Variants in COG7 observed in about 807,000 individuals in gnomAD.
COG7 encodes the protein component of oligomeric golgi complex 7.
A neutral mutation model predicts 91.5 loss-of-function variants in COG7; 49 were observed. That is an observed-to-expected ratio of 0.54 (90% CI 0.43 to 0.68). COG7 has a LOEUF of 0.68. Among genes scored for constraint, COG7 ranks in the 30% least tolerant of loss-of-function variants. The probability of loss-of-function intolerance (pLI) is 0.00; values close to 1 mark genes in which losing one functional copy is unlikely to be tolerated. For missense variants in COG7, 895 were observed against 961.3 expected (o/e 0.93, Z 0.91); for synonymous variants, 365 against 388.7 (o/e 0.94, Z 0.72).
chr16:23,410,302 C>G lies in COG7; in HGVS notation c.1468G>C (p.Ala490Pro), dbSNP rs1439619196. 4 of 1,613,968 alleles carry G rather than the reference C, an allele frequency of 2.5e-6. No individual in the cohort carries two copies. The highest frequency in any genetic ancestry group is 2.5e-6 in the Non-Finnish European group (3 of 1,179,902). ...ATGACTCCTCTCTCCTACCTGTTGG[C>G]TAGCTGCTGCTCGAAGTCCCCACAA... is the stretch of plus-strand genomic sequence containing the variant. ...RHCGDFEQQL[A>P]NRILSTAGKY... The change falls in exon 11 of 17, where the codon GCC (alanine) becomes CCC (proline). Residue 490 changes from alanine (A) to proline (P), a missense_variant. Coordinates refer to ENST00000307149, the MANE Select transcript of COG7 (RefSeq NM_153603.4).
Position 23,452,829 on chromosome 16 carries a change from C to T in COG7, c.166G>A (p.Glu56Lys). The T allele has an allele frequency of 6.2e-7, 1 of 1,612,028 alleles. No homozygotes were observed. Among genetic ancestry groups the T allele is most frequent in the Non-Finnish European group, 8.5e-7 (1 of 1,179,398 alleles). ...GCCAGGGCCCCGAGCGGCTCACCCT[C>T]CACGGCGTGGTTCACCTCTTGGATG... Reference protein sequence around the residue: ...LFIQEVNHAVEETSHQALQNM... With the variant: ...LFIQEVNHAVKETSHQALQNM... The change falls in exon 1 of 17, where the codon GAG becomes AAG. Residue 56 changes from glutamate to lysine, a missense_variant. By Grantham distance (56) the Glu-to-Lys change is moderately conservative. Transcript: ENST00000307149.
At chr16:23,413,614 A>G (rs1300996969) in intron 9 of COG7, 50 bp from the exon 10 acceptor site, 1 of 975,714 alleles carries the variant, frequency 1.0e-6, no homozygotes. Flanking sequence ...TGATTCCCCA[A>G]CTCTAAAGAG....
intron 8 of COG7, among the ~76,000 whole-genome samples, chr16:23,417,866 G>A (rs1309386349): frequency 6.6e-6 from 1 of 152,124 alleles, no homozygotes; most frequent in Non-Finnish European, 1.5e-5. Flanking sequence ...AGACTTTCTA[G>A]GTATATCCCT....
chr16:23,394,514 T>C (rs1963253284), intron 14 of COG7, among the ~76,000 whole-genome samples: 1 of 152,224 alleles, frequency 6.6e-6, no homozygotes, highest in Non-Finnish European at 1.5e-5. Flanking sequence ...GTTGTTGTTT[T>C]TTTTTTCTTC....
At chr16:23,393,557 T>C (rs1963235515) in intron 14 of COG7, 3 of 580,078 alleles carry the variant, frequency 5.2e-6, no homozygotes, top group Non-Finnish European at 9.3e-6. Context: ...TATAGATTCA[T>C]CCTTCTTATA....
chr16:23,424,521 T>A (rs1963812380), intron 7 of COG7, among the ~76,000 whole-genome samples: 1 of 152,128 alleles, frequency 6.6e-6, no homozygotes, highest in Admixed American at 6.6e-5. Context: ...CCAGAGCATG[T>A]AAGGCACCCA....
At chr16:23,426,542 A>G (rs934494992) in intron 6 of COG7, among the ~76,000 whole-genome samples, 1 of 152,222 alleles carries the variant, frequency 6.6e-6, no homozygotes, top group East Asian at 1.9e-4. Context: ...AAATGAATCA[A>G]TGTAATACAC....
At chr16:23,414,635 AAGAAAT>A (rs1963623377) in intron 9 of COG7, 1 of 152,418 alleles carries the variant, frequency 6.6e-6, no homozygotes, top group Admixed American at 6.5e-5. Context: ...TCTCCAGATA[AAGAAAT>A]AGCTTGTATG....
chr16:23,450,952 G>A (rs2142099872), intron 1 of COG7, among the ~76,000 whole-genome samples: 1 of 152,212 alleles, frequency 6.6e-6, no homozygotes, highest in Non-Finnish European at 1.5e-5. Flanking sequence ...CCAGCACTTT[G>A]GGAGGCCGAG....
At chr16:23,416,582 C>G (rs896550328) in intron 9 of COG7, 6 of 305,984 alleles carry the variant, frequency 2.0e-5, no homozygotes, top group Admixed American at 9.7e-5. Context: ...ATCCACCTGT[C>G]TTGGCCTCCC....
chr16:23,446,088 A>C, intron 1 of COG7, 127 bp from the exon 2 acceptor site: 2 of 1,180,278 alleles, frequency 1.7e-6, no homozygotes, highest in Non-Finnish European at 2.4e-6. Context: ...CGACCAACCA[A>C]ACGGTTTTTG....
chr16:23,436,658 G>A (rs549578285), intron 4 of COG7, among the ~76,000 whole-genome samples: 1 of 151,074 alleles, frequency 6.6e-6, no homozygotes, highest in East Asian at 2.0e-4. Context: ...CCCAAGAGCT[G>A]GAGGTTGCTG....
At chr16:23,396,785 A>G (rs747013399) in intron 14 of COG7, among the ~76,000 whole-genome samples, 3 of 152,218 alleles carry the variant, frequency 2.0e-5, no homozygotes, top group Non-Finnish European at 2.9e-5. Context: ...CCTGGGAAAT[A>G]GAAGGGAAAT....
At chr16:23,428,149 C>T (rs1963878201) in intron 6 of COG7, among the ~76,000 whole-genome samples, 1 of 151,986 alleles carries the variant, frequency 6.6e-6, no homozygotes, top group African/African-American at 2.4e-5. Flanking sequence ...TGTACTCCAG[C>T]CTGACCAACA....
At position 23,398,136 on chromosome 16, in the gene COG7, G is replaced by A; in HGVS notation, c.1804-7C>T. The A allele has an allele frequency of 6.2e-7, 1 of 1,612,082 alleles. No individual in the cohort carries two copies. Among genetic ancestry groups the A allele is most frequent in the Non-Finnish European group, 8.5e-7 (1 of 1,178,208 alleles). ...TGCCAGCCGTATTCCAGCTCTAAGG[G>A]TGGAACGAGAGGACACAATCAGTAC... On this transcript the variant is annotated splice_region_variant and splice_polypyrimidine_tract_variant and intron_variant, in intron 13 of 16. Coordinates refer to ENST00000307149, the MANE Select transcript of COG7 (RefSeq NM_153603.4).
chr16:23,422,725 T>G (rs1349090100), intron 7 of COG7, among the ~76,000 whole-genome samples: 1 of 152,010 alleles, frequency 6.6e-6, no homozygotes, highest in Non-Finnish European at 1.5e-5. Flanking sequence ...ACTAAAACTC[T>G]TTTGGAAAAC....
intron 12 of COG7, among the ~76,000 whole-genome samples, chr16:23,405,635 G>C (rs1230999099): frequency 1.3e-5 from 2 of 149,160 alleles, no homozygotes; most frequent in Admixed American, 6.8e-5. Flanking sequence ...TCCCACCTCT[G>C]CCTCCCAAGT....
In COG7 at chr16:23,406,244, C is replaced by T. The variant is rs747127267; in HGVS notation, c.1494G>A (p.Gly498=). 1.2e-5 allele frequency: 19 copies of T among 1,613,910 alleles called. No individual in the cohort carries two copies. The Admixed American group carries it at 2.0e-4, about 17-fold the overall frequency. ...GGCTGCAGGAATCAGATAGATACTTCCCAGCTGTGGACAAAATCCTGTAAT... is the reference window on the plus strand; with the variant it reads ...GGCTGCAGGAATCAGATAGATACTTTCCAGCTGTGGACAAAATCCTGTAAT... The part of the protein sequence containing the change: ...QLANRILSTA[G]KYLSDSCSPR... The change falls in exon 12 of 17, where the codon GGG becomes GGA. Residue 498 remains glycine (G), a synonymous_variant. Coordinates refer to ENST00000307149, the MANE Select transcript of COG7 (RefSeq NM_153603.4).
At chr16:23,438,411 A>G (rs1964045820) in intron 4 of COG7, among the ~76,000 whole-genome samples, 1 of 152,114 alleles carries the variant, frequency 6.6e-6, no homozygotes, top group Admixed American at 6.6e-5. Flanking sequence ...ACAAAAAATT[A>G]GCTGGGCGTG....
Sources: gnomAD v4.1 joint callset for allele counts (sites outside exome capture counted in the v4.1 genomes callset) on GRCh38, gnomAD v4.1.1 for gene constraint, MANE v1.5 for transcripts, NCBI Gene and HGNC (gene_info 2026-07-23, HGNC 2026-07-21) for gene names.